BANK1: variants seen among roughly 807,000 people sequenced by gnomAD.
The protein encoded by BANK1 is B-cell scaffold protein with ankyrin repeats.
Under a neutral mutation model 94.5 loss-of-function variants are expected in BANK1, and 95 were observed. The observed-to-expected ratio is 1.00, with a 90% CI of 0.85 to 1.19. BANK1 has a LOEUF of 1.19. Ranked by LOEUF, BANK1 falls within the 50% of genes most tolerant of loss-of-function variation. The pLI is 0.00. For missense variants in BANK1, 987 were observed against 932.2 expected (o/e 1.06, Z -0.77); for synonymous variants, 334 against 308.4 (o/e 1.08, Z -0.87).
chr4:101,999,633 TTTG>T, intron 7 of BANK1, among the ~76,000 whole-genome samples: 1 of 152,332 alleles, frequency 6.6e-6, no homozygotes, highest in Non-Finnish European at 1.5e-5. Context: ...CATGACATTG[TTTG>T]AACTTTTAAA....
intron 2 of BANK1, among the ~76,000 whole-genome samples, chr4:101,849,468 G>A (rs1295883472): frequency 6.6e-6 from 1 of 152,004 alleles, no homozygotes; most frequent in African/African-American, 2.4e-5. Context: ...ACATACAGTG[G>A]TGGTGGCGTT....
At chr4:101,924,713 C>T (rs1001936407) in intron 7 of BANK1, among the ~76,000 whole-genome samples, 3 of 151,714 alleles carry the variant, frequency 2.0e-5, no homozygotes, top group African/African-American at 7.3e-5. Context: ...TTTACATCAC[C>T]AAAAGATAAA....
chr4:101,860,618 A>G (rs1265326254), intron 3 of BANK1, among the ~76,000 whole-genome samples: 1 of 151,834 alleles, frequency 6.6e-6, no homozygotes, highest in Admixed American at 6.6e-5. Flanking sequence ...TTTAGTAGAG[A>G]TGGGGTTTCA....
At chr4:101,930,521 G>T (rs537509724) in intron 7 of BANK1, among the ~76,000 whole-genome samples, 10 of 151,160 alleles carry the variant, frequency 6.6e-5, no homozygotes, top group Non-Finnish European at 1.2e-4. Flanking sequence ...ATAGCCATTC[G>T]CCAGTGAAAT....
At chr4:101,905,436 C>T (rs761950869) in intron 6 of BANK1, among the ~76,000 whole-genome samples, 4 of 152,186 alleles carry the variant, frequency 2.6e-5, no homozygotes, top group Non-Finnish European at 4.4e-5. Context: ...CGGTGTTTCC[C>T]GAAATCGGGT....
At chr4:101,950,193 A>G (rs1578416221) in intron 7 of BANK1, among the ~76,000 whole-genome samples, 1 of 152,150 alleles carries the variant, frequency 6.6e-6, no homozygotes, top group African/African-American at 2.4e-5. Context: ...GACTGGCTGG[A>G]TCTGCTGGTA....
Position 101,990,614 on chromosome 4 carries a change from G to T in BANK1, c.1207-30900G>T, listed in dbSNP as rs1704263485. Among the ~76,000 whole-genome samples the T allele has an allele frequency of 2.0e-5, 3 of 152,174 alleles. No homozygotes were observed. The South Asian group carries it at 6.2e-4, about 32-fold the overall frequency. On this transcript the variant is annotated intron_variant, in intron 7 of 16. Transcript: ENST00000322953. Reference sequence around the variant, plus strand: ...TTTTCTTAGGAGAATTTTAGGAGCTGCAGAAGCAGTCTACCTGTGGTAAAG... The same window carrying T: ...TTTTCTTAGGAGAATTTTAGGAGCTTCAGAAGCAGTCTACCTGTGGTAAAG...
intron 4 of BANK1, among the ~76,000 whole-genome samples, chr4:101,868,129 G>C (rs1351438549): frequency 1.3e-5 from 2 of 151,990 alleles, no homozygotes; most frequent in Admixed American, 6.6e-5. Context: ...GTTGGAGCAA[G>C]GTAGGTTGGA....
intron 7 of BANK1, among the ~76,000 whole-genome samples, chr4:102,005,065 G>A (rs1218239899): frequency 6.6e-5 from 10 of 151,724 alleles, no homozygotes; most frequent in South Asian, 2.1e-4. Flanking sequence ...TCTGTGGCAC[G>A]GCATTTAAAA....
intron 7 of BANK1, among the ~76,000 whole-genome samples, chr4:101,961,900 T>C (rs1724582410): frequency 6.6e-6 from 1 of 152,110 alleles, no homozygotes; most frequent in African/African-American, 2.4e-5. Flanking sequence ...ACTGAACACA[T>C]TAGAAAATGT....
chr4:101,874,266 C>T (rs767122732), intron 5 of BANK1, among the ~76,000 whole-genome samples: 4 of 152,040 alleles, frequency 2.6e-5, no homozygotes, highest in Non-Finnish European at 2.9e-5. Context: ...AGGAAAGGTA[C>T]GGACTTAGGG....
intron 7 of BANK1, among the ~76,000 whole-genome samples, chr4:102,000,933 A>G (rs1345364903): frequency 1.3e-5 from 2 of 152,108 alleles, no homozygotes; most frequent in Non-Finnish European, 2.9e-5. Flanking sequence ...TTTGAGGGCC[A>G]GGGTAGTGGA....
intron 1 of BANK1, among the ~76,000 whole-genome samples, chr4:101,808,880 C>T (rs1210070288): frequency 6.6e-6 from 1 of 152,102 alleles, no homozygotes; most frequent in African/African-American, 2.4e-5. Flanking sequence ...GAAAAGTGAA[C>T]ACTTTTACAC....
chr4:101,862,440 A>G (rs1727913954), intron 3 of BANK1, 86 bp from the exon 4 acceptor site: 2 of 1,115,856 alleles, frequency 1.8e-6, no homozygotes, highest in East Asian at 2.6e-5. Flanking sequence ...ATAGTGTATT[A>G]CCTTAATTAT....
chr4:101,993,398 A>AT (rs1363555512), intron 7 of BANK1, among the ~76,000 whole-genome samples: 1 of 152,068 alleles, frequency 6.6e-6, no homozygotes, highest in East Asian at 1.9e-4. Context: ...AAACCCTTTC[A>AT]TTTTTCTGAT....
chr4:102,072,582 AAAAC>A (rs1728795076), intron 15 of BANK1, among the ~76,000 whole-genome samples, 182 bp downstream of exon 15: 1 of 152,184 alleles, frequency 6.6e-6, no homozygotes, highest in Non-Finnish European at 1.5e-5. Flanking sequence ...ATTTGGAAAA[AAAAC>A]AAAGAGGGAA....
At chr4:101,983,977 A>G (rs758088160) in intron 7 of BANK1, among the ~76,000 whole-genome samples, 13 of 152,064 alleles carry the variant, frequency 8.5e-5, no homozygotes, top group Non-Finnish European at 1.8e-4. Context: ...CAATCATAAT[A>G]TGTTCTGACT....
At chr4:102,045,882 C>G (rs368915556) in intron 11 of BANK1, among the ~76,000 whole-genome samples, 7 of 151,798 alleles carry the variant, frequency 4.6e-5, no homozygotes, top group South Asian at 2.1e-4. Flanking sequence ...GTAATTTATA[C>G]ATTCAATGCC....
intron 7 of BANK1, among the ~76,000 whole-genome samples, chr4:101,943,500 G>A (rs1469029572): frequency 6.6e-6 from 1 of 151,834 alleles, no homozygotes; most frequent in East Asian, 1.9e-4. Context: ...GGATGGAAGG[G>A]ACAGAAGGCT....
Sources: gnomAD v4.1 joint callset for allele counts (sites outside exome capture counted in the v4.1 genomes callset) on GRCh38, gnomAD v4.1.1 for gene constraint, MANE v1.5 for transcripts, NCBI Gene and HGNC (gene_info 2026-07-23, HGNC 2026-07-21) for gene names.